CNTNAP2: variants seen among roughly 807,000 people sequenced by gnomAD.
CNTNAP2 encodes the protein contactin-associated protein-like 2.
A neutral mutation model predicts 155.2 loss-of-function variants in CNTNAP2; 98 were observed. The ratio of observed to expected loss-of-function variants is 0.63; its 90% confidence interval spans 0.54 to 0.75. The LOEUF (loss-of-function observed/expected upper bound fraction) is 0.75. Among genes scored for constraint, CNTNAP2 ranks in the 30% least tolerant of loss-of-function variants. The pLI is 0.00. For missense variants in CNTNAP2, 1,727 were observed against 1,688.1 expected (o/e 1.02, Z -0.40); for synonymous variants, 651 against 631.2 (o/e 1.03, Z -0.47).
chr7:147,539,897 G>C (rs1799609767), intron 11 of CNTNAP2, among the ~76,000 whole-genome samples: 1 of 152,132 alleles, frequency 6.6e-6, no homozygotes, highest in South Asian at 2.1e-4. Flanking sequence ...CTTTATAACT[G>C]CTCTTTCTGA....
At chr7:146,586,206 T>A (rs1798689295) in intron 1 of CNTNAP2, among the ~76,000 whole-genome samples, 1 of 152,186 alleles carries the variant, frequency 6.6e-6, no homozygotes, top group Admixed American at 6.5e-5. Context: ...CAAACATCAT[T>A]TAATGGAATT....
chr7:147,934,072 G>A (rs1257462877), intron 14 of CNTNAP2, among the ~76,000 whole-genome samples: 1 of 152,100 alleles, frequency 6.6e-6, no homozygotes, highest in Non-Finnish European at 1.5e-5. Context: ...GGGAATACGG[G>A]GACTTGCTAT....
chr7:146,463,163 AG>A, intron 1 of CNTNAP2, among the ~76,000 whole-genome samples: 1 of 152,188 alleles, frequency 6.6e-6, no homozygotes, highest in Non-Finnish European at 1.5e-5. Flanking sequence ...AAAAACAAAA[AG>A]GAGAGTGATG....
At chr7:146,793,921 T>C (rs1019899639) in intron 2 of CNTNAP2, among the ~76,000 whole-genome samples, 3 of 152,232 alleles carry the variant, frequency 2.0e-5, no homozygotes, top group African/African-American at 7.2e-5. Context: ...GACTCTAGGA[T>C]GTGTCTTACT....
intron 9 of CNTNAP2, among the ~76,000 whole-genome samples, chr7:147,323,632 T>C (rs1264495971): frequency 6.6e-6 from 1 of 151,988 alleles, no homozygotes; most frequent in Non-Finnish European, 1.5e-5. Flanking sequence ...TGGGTATCCT[T>C]GTTGACTTTC....
intron 1 of CNTNAP2, among the ~76,000 whole-genome samples, chr7:146,642,273 G>T (rs930877930): frequency 2.7e-5 from 4 of 150,196 alleles, no homozygotes; most frequent in Non-Finnish European, 5.9e-5. Context: ...TCATCATTTA[G>T]CATTAGGTAT....
intron 12 of CNTNAP2, among the ~76,000 whole-genome samples, chr7:147,614,647 T>G (rs1329693347): frequency 6.6e-6 from 1 of 151,694 alleles, no homozygotes; most frequent in Non-Finnish European, 1.5e-5. Flanking sequence ...CTTTTTCTAA[T>G]GACTAAGACC....
intron 15 of CNTNAP2, among the ~76,000 whole-genome samples, chr7:148,026,747 A>G (rs557892420): frequency 6.6e-6 from 1 of 152,296 alleles, no homozygotes; most frequent in Non-Finnish European, 1.5e-5. Context: ...CTGCATTCCA[A>G]TAAAAGTTAG....
chr7:146,675,621 G>T (rs1800385228), intron 1 of CNTNAP2, among the ~76,000 whole-genome samples: 1 of 152,136 alleles, frequency 6.6e-6, no homozygotes, highest in Non-Finnish European at 1.5e-5. Flanking sequence ...GTTGTCATTG[G>T]CTTTAAAGAG....
chr7:147,531,566 G>A (rs985463388), intron 11 of CNTNAP2, among the ~76,000 whole-genome samples: 2 of 152,162 alleles, frequency 1.3e-5, no homozygotes, highest in African/African-American at 4.8e-5. Flanking sequence ...TGGAGAGGCT[G>A]GTACACAGGA....
chr7:147,145,698 T>C (rs1024671155), intron 8 of CNTNAP2, among the ~76,000 whole-genome samples: 1 of 152,204 alleles, frequency 6.6e-6, no homozygotes, highest in Non-Finnish European at 1.5e-5. Context: ...TTGCTCTATG[T>C]TGTTATGGTT....
chr7:146,826,986 A>G (rs1352441739), intron 2 of CNTNAP2, among the ~76,000 whole-genome samples: 1 of 151,850 alleles, frequency 6.6e-6, no homozygotes, highest in Non-Finnish European at 1.5e-5. Flanking sequence ...TGGAGATACA[A>G]TGAGAACCAC....
intron 8 of CNTNAP2, among the ~76,000 whole-genome samples, chr7:147,288,684 A>G (rs1805236224): frequency 6.6e-6 from 1 of 152,210 alleles, no homozygotes; most frequent in Non-Finnish European, 1.5e-5. Context: ...TAAGTGTGAC[A>G]TCTCTTCATG....
chr7:146,542,690 A>G (rs1390811944), intron 1 of CNTNAP2, among the ~76,000 whole-genome samples: 3 of 152,080 alleles, frequency 2.0e-5, no homozygotes, highest in Admixed American at 1.3e-4. Flanking sequence ...CTTAGCTGGA[A>G]GGCTTTAACT....
intron 22 of CNTNAP2, among the ~76,000 whole-genome samples, chr7:148,407,545 A>T (rs943933900): frequency 4.6e-5 from 7 of 152,000 alleles, no homozygotes; most frequent in African/African-American, 1.7e-4. Flanking sequence ...CTCTACAAAA[A>T]ATAAAAAAAT....
intron 8 of CNTNAP2, among the ~76,000 whole-genome samples, chr7:147,207,974 G>A (rs554722688): frequency 7.9e-5 from 12 of 152,174 alleles, no homozygotes; most frequent in East Asian, 1.9e-4. Context: ...TTGTACTTAC[G>A]AAATTATCAA....
chr7:147,002,972 A>C (rs550048770), intron 3 of CNTNAP2, among the ~76,000 whole-genome samples: 1,671 of 150,590 alleles, frequency 0.011, 16 homozygotes, highest in Non-Finnish European at 0.016. Context: ...AAAAAAGAAG[A>C]AGCAGCAAAC....
chr7:147,154,589 A>T (rs2116439478), intron 8 of CNTNAP2, among the ~76,000 whole-genome samples: 1 of 152,300 alleles, frequency 6.6e-6, no homozygotes, highest in African/African-American at 2.4e-5. Flanking sequence ...TCTCTAAAAA[A>T]TGACAGTCTG....
intron 13 of CNTNAP2, among the ~76,000 whole-genome samples, chr7:147,695,226 C>A (rs542950739): frequency 4.6e-5 from 7 of 152,206 alleles, no homozygotes; most frequent in African/African-American, 1.7e-4. Context: ...GATTTGTATT[C>A]TTTTAAATTT....
Sources: gnomAD v4.1 joint callset for allele counts (sites outside exome capture counted in the v4.1 genomes callset) on GRCh38, gnomAD v4.1.1 for gene constraint, MANE v1.5 for transcripts, NCBI Gene and HGNC (gene_info 2026-07-23, HGNC 2026-07-21) for gene names.